Variants in ARMC9 observed in about 807,000 individuals in gnomAD.
ARMC9 encodes lisH domain-containing protein ARMC9.
In ARMC9, 94 loss-of-function variants were observed where a neutral mutation model predicts 107.0. That is an observed-to-expected ratio of 0.88 (90% CI 0.74 to 1.04). The LOEUF is 1.04. ARMC9 is among the 50% of genes least tolerant of loss of function. The probability of loss-of-function intolerance (pLI) is 0.00; values close to 1 mark genes in which losing one functional copy is unlikely to be tolerated. For synonymous variants in ARMC9, 380 were observed against 396.9 expected (o/e 0.96, Z 0.51); for missense variants, 942 against 1,030.1 (o/e 0.91, Z 1.17).
At chr2:231,345,202 AT>A in intron 21 of ARMC9, 112 bp downstream of exon 21, 1 of 1,520,536 alleles carries the variant, frequency 6.6e-7, no homozygotes, top group African/African-American at 1.4e-5. Context: ...TTTGAAAAGC[AT>A]TTATCTCTTT....
At position 231,297,231 on chromosome 2, in the gene ARMC9, C is replaced by T. The variant is rs114361908; in HGVS notation, c.1773+978C>T. Among the ~76,000 whole-genome samples the T allele has an allele frequency of 0.017, 2,605 of 152,288 alleles. 75 individuals carry two copies. Among genetic ancestry groups the T allele is most frequent in the African/African-American group, 0.06 (2,502 of 41,542 alleles). On this transcript the variant is annotated intron_variant, in intron 19 of 24. Coordinates refer to ENST00000611582, the MANE Select transcript of ARMC9 (RefSeq NM_001352754.2). The surrounding 1 kb of genome is among the most constrained non-coding windows in gnomAD (Gnocchi z 4.2). Reference sequence around the variant, plus strand: ...AGGCTGCAGGTGGCATCAGCGGGTACGTGCTCCTGCTGGCTCTTCCTGCCT... The same window carrying T: ...AGGCTGCAGGTGGCATCAGCGGGTATGTGCTCCTGCTGGCTCTTCCTGCCT...
chr2:231,273,680 G>A (rs1243835869), intron 14 of ARMC9, among the ~76,000 whole-genome samples: 1 of 152,166 alleles, frequency 6.6e-6, no homozygotes, highest in Non-Finnish European at 1.5e-5. Flanking sequence ...CCCCCAAAGT[G>A]CTGGAATTAC....
chr2:231,271,188 C>A, intron 13 of ARMC9, 116 bp downstream of exon 13: 1 of 944,560 alleles, frequency 1.1e-6, no homozygotes. Flanking sequence ...CAGTTTGTTA[C>A]CGTTTAATTC....
Position 231,371,548 on chromosome 2 carries a change from G to C in ARMC9, c.*13G>C, listed in dbSNP as rs1033108184. The C allele has an allele frequency of 6.5e-6, 8 of 1,235,548 alleles. No individual in the cohort carries two copies. Among genetic ancestry groups the C allele is most frequent in the Non-Finnish European group, 8.1e-6 (8 of 989,820 alleles). The allele number at this position is 1,235,548 out of a possible 1,614,324, so 76.5% of individuals were successfully genotyped here. Reference sequence around the variant, plus strand: ...TCACAGGAAGTAAGGATGTCCCCGGGTGTCCCCATCACGTTGCCGGAGGAC... The same window carrying C: ...TCACAGGAAGTAAGGATGTCCCCGGCTGTCCCCATCACGTTGCCGGAGGAC... On this transcript the variant is annotated 3_prime_UTR_variant, in exon 25 of 25. Transcript: ENST00000611582.
intron 19 of ARMC9, among the ~76,000 whole-genome samples, chr2:231,310,846 G>A (rs1379037184): frequency 6.6e-6 from 1 of 152,080 alleles, no homozygotes; most frequent in Non-Finnish European, 1.5e-5. Context: ...AGAAAAGCAG[G>A]CCAGGCACAG....
intron 20 of ARMC9, among the ~76,000 whole-genome samples, chr2:231,337,116 G>A (rs1004131235): frequency 1.1e-4 from 17 of 151,960 alleles, no homozygotes; most frequent in Admixed American, 2.6e-4. Flanking sequence ...ATTACTTTTC[G>A]GGTTTTTTTT....
intron 7 of ARMC9, among the ~76,000 whole-genome samples, chr2:231,231,208 T>C (rs909984103): frequency 8.5e-5 from 13 of 152,180 alleles, no homozygotes; most frequent in Non-Finnish European, 1.8e-4. Flanking sequence ...GCCTAGCTAA[T>C]GGGTTTTGGT....
intron 20 of ARMC9, among the ~76,000 whole-genome samples, chr2:231,333,550 G>A (rs984750878): frequency 5.3e-5 from 8 of 152,232 alleles, no homozygotes; most frequent in African/African-American, 1.9e-4. Context: ...AAGTGCAGCC[G>A]TCAAGGTTCC....
At chr2:231,268,161 T>C (rs1474626296) in intron 12 of ARMC9, among the ~76,000 whole-genome samples, 2 of 152,198 alleles carry the variant, frequency 1.3e-5, no homozygotes, top group African/African-American at 4.8e-5. Flanking sequence ...GTAACATGAA[T>C]CTATGATGTT....
At chr2:231,335,026 G>A (rs1322771946) in intron 20 of ARMC9, among the ~76,000 whole-genome samples, 9 of 152,188 alleles carry the variant, frequency 5.9e-5, no homozygotes, top group African/African-American at 1.4e-4. Flanking sequence ...AGATGTTGGC[G>A]TTTTGAAACA....
intron 22 of ARMC9, among the ~76,000 whole-genome samples, chr2:231,356,585 C>T (rs1385041150): frequency 6.6e-6 from 1 of 152,078 alleles, no homozygotes; most frequent in East Asian, 1.9e-4. Flanking sequence ...GTCTGAGAAA[C>T]ATCTGAGAAC....
At chr2:231,339,726 A>G (rs1475207660) in intron 20 of ARMC9, among the ~76,000 whole-genome samples, 14 of 152,158 alleles carry the variant, frequency 9.2e-5, no homozygotes, top group Non-Finnish European at 2.9e-5. Context: ...GATCACCTGA[A>G]TTCAAGACCA....
chr2:231,203,446 A>T (rs2031411295), intron 1 of ARMC9, among the ~76,000 whole-genome samples: 1 of 152,090 alleles, frequency 6.6e-6, no homozygotes, highest in African/African-American at 2.4e-5. Context: ...GCTTATCCAA[A>T]TGATGCTCAT....
chr2:231,281,901 G>T (rs2040242753), intron 16 of ARMC9, among the ~76,000 whole-genome samples, 158 bp from the exon 17 acceptor site: 1 of 152,218 alleles, frequency 6.6e-6, no homozygotes. Context: ...GGAGATGTCT[G>T]TCACTTGGAA....
At chr2:231,242,061 G>C (rs762033668) in intron 9 of ARMC9, among the ~76,000 whole-genome samples, 4 of 151,954 alleles carry the variant, frequency 2.6e-5, no homozygotes, top group African/African-American at 9.7e-5. Context: ...GGCTGAAATA[G>C]ACCATTTCAG....
chr2:231,331,664 A>G lies in ARMC9; in HGVS notation c.1774-129A>G, dbSNP rs1224134811. 14 of 747,850 alleles carry G rather than the reference A, an allele frequency of 1.9e-5. No individual in the cohort carries two copies. The African/African-American group carries it at 2.3e-4, about 12-fold the overall frequency. The allele number at this position is 747,850 out of a possible 1,614,324, so 46.3% of individuals were successfully genotyped here. On this transcript the variant is annotated intron_variant, in intron 19 of 24. Transcript: ENST00000611582. Reference sequence around the variant, plus strand: ...GACTGCCCCTGAGCCCCCTTGGAATATAAGCCTGCAAGTTGCTGTGATTGG... The same window carrying G: ...GACTGCCCCTGAGCCCCCTTGGAATGTAAGCCTGCAAGTTGCTGTGATTGG...
chr2:231,370,830 A>G (rs2045988901), intron 24 of ARMC9: 2 of 270,728 alleles, frequency 7.4e-6, no homozygotes, highest in Non-Finnish European at 1.5e-5. Context: ...AAACACAGGG[A>G]AAACAAAAGG....
chr2:231,271,143 C>T (rs577544249), intron 13 of ARMC9, 71 bp downstream of exon 13: 11 of 1,444,960 alleles, frequency 7.6e-6, no homozygotes, highest in Admixed American at 7.3e-5. Context: ...TGAAAATGAG[C>T]GTTCCTCCCA....
At chr2:231,213,745 G>A (rs1270457974) in intron 3 of ARMC9, among the ~76,000 whole-genome samples, 1 of 152,136 alleles carries the variant, frequency 6.6e-6, no homozygotes, top group East Asian at 1.9e-4. Flanking sequence ...GAAGTGCTGG[G>A]ATTACAGGTG....
Sources: gnomAD v4.1 joint callset for allele counts (sites outside exome capture counted in the v4.1 genomes callset) on GRCh38, gnomAD v4.1.1 for gene constraint, Gnocchi (gnomAD v3.1) non-coding constraint, MANE v1.5 for transcripts, NCBI Gene and HGNC (gene_info 2026-07-23, HGNC 2026-07-21) for gene names.